PTPRN2: variants seen among roughly 807,000 people sequenced by gnomAD.
PTPRN2 encodes receptor-type tyrosine-protein phosphatase N2.
PTPRN2 carries 74 observed loss-of-function variants against 118.8 expected under a neutral mutation model. The observed-to-expected ratio is 0.62, with a 90% CI of 0.52 to 0.76. PTPRN2 has a LOEUF of 0.76. PTPRN2 is among the 30% of genes least tolerant of loss of function. PTPRN2 has a pLI of 0.00. For missense variants in PTPRN2, 1,481 were observed against 1,394.4 expected, an observed-to-expected ratio of 1.06 and a Z score of -0.99; for synonymous variants, 641 against 608.0, an observed-to-expected ratio of 1.05 and a Z score of -0.80.
rs574003048 is a variant in PTPRN2, at chr7:157,729,403, C to T, written c.1789-46466G>A. Reference sequence around the variant, plus strand: ...GGTCCCGGACCCCCCACTCTGCTCCCGTGGACAGCTCCATCTTCAGCAGCT... The same window carrying T: ...GGTCCCGGACCCCCCACTCTGCTCCTGTGGACAGCTCCATCTTCAGCAGCT... On this transcript the variant is annotated intron_variant, in intron 12 of 22. Transcript: ENST00000389418. The surrounding 1 kb of genome is among the most constrained non-coding windows in gnomAD (Gnocchi z 4.3). 2.0e-4 allele frequency among the ~76,000 whole-genome samples: 30 copies of T among 152,192 alleles called. No homozygotes were observed. The highest frequency in any genetic ancestry group is 6.5e-4 in the African/African-American group (27 of 41,526).
At chr7:158,267,994 A>G (rs1797995520) in intron 3 of PTPRN2, among the ~76,000 whole-genome samples, 1 of 152,202 alleles carries the variant, frequency 6.6e-6, no homozygotes, top group Admixed American at 6.5e-5. Flanking sequence ...GGTTATGTGC[A>G]CAGAGATGCT....
rs1379566248 is a variant in PTPRN2 at position 157,627,238 on chromosome 7, T to A, written c.2197-5729A>T. 6.6e-6 allele frequency among the ~76,000 whole-genome samples: 1 copy of A among 152,190 alleles called. No homozygotes were observed. Among genetic ancestry groups the A allele is most frequent in the Non-Finnish European group, 1.5e-5 (1 of 68,034 alleles). On this transcript the variant is annotated intron_variant, in intron 14 of 22. Coordinates refer to ENST00000389418, the MANE Select transcript of PTPRN2 (RefSeq NM_002847.5). This position sits in a 1 kb window ranked among gnomAD's most constrained non-coding sequence, Gnocchi z 4.2. ...GTCAGGGACCCCTTCTCACACCGTG[T>A]CCCACTTCACACAGCTCCTTGCTCT...
chr7:158,309,529 C>A (rs2151069623), intron 3 of PTPRN2, among the ~76,000 whole-genome samples: 1 of 152,286 alleles, frequency 6.6e-6, no homozygotes, highest in East Asian at 1.9e-4. Flanking sequence ...CCTATTAGTT[C>A]TGTCCTTCTA....
At chr7:158,219,698 A>G (rs1828207308) in intron 3 of PTPRN2, among the ~76,000 whole-genome samples, 1 of 152,020 alleles carries the variant, frequency 6.6e-6, no homozygotes, top group Admixed American at 6.6e-5. Flanking sequence ...AAGCACAATA[A>G]GAAATGACAA....
At chr7:157,910,581 C>T (rs1459955306) in intron 11 of PTPRN2, among the ~76,000 whole-genome samples, 1 of 152,282 alleles carries the variant, frequency 6.6e-6, no homozygotes, top group Non-Finnish European at 1.5e-5. Context: ...CCGTTCTGCA[C>T]AGCTGGCGGA....
intron 12 of PTPRN2, among the ~76,000 whole-genome samples, chr7:157,805,609 G>A (rs146595933): frequency 2.8e-3 from 434 of 152,342 alleles, no homozygotes; most frequent in South Asian, 8.1e-3. Flanking sequence ...GTTATGTCTA[G>A]TGTCAGGTTA....
At chr7:157,992,328 G>A (rs968345544) in intron 11 of PTPRN2, among the ~76,000 whole-genome samples, 3 of 152,218 alleles carry the variant, frequency 2.0e-5, no homozygotes, top group African/African-American at 4.8e-5. Context: ...TCATGGCCCC[G>A]AGTCTCTCGC....
chr7:157,548,970 C>G lies in PTPRN2; in HGVS notation c.2952G>C (p.Gln984His). 1 of 1,614,232 alleles carries G rather than the reference C, an allele frequency of 6.2e-7. No homozygotes were observed. The highest frequency in any genetic ancestry group is 8.5e-7 in the Non-Finnish European group (1 of 1,180,038). The change falls in exon 22 of 23, where the codon CAG becomes CAC. Residue 984 changes from glutamine (Q) to histidine (H), a missense_variant. By Grantham distance (24) the Gln-to-His change is conservative. Around this residue, in one of 3 missense-constraint regions of PTPRN2, gnomAD observed 362 missense variants for 384.1 expected, o/e 0.94. Coordinates refer to ENST00000389418, the MANE Select transcript of PTPRN2 (RefSeq NM_002847.5). ...CCTTCGTCTGGACCATGCCGGGTCTCTGGTCCCTCAAGTGCTCCAGGGTCG... is the reference window on the plus strand; with the variant it reads ...CCTTCGTCTGGACCATGCCGGGTCTGTGGTCCCTCAAGTGCTCCAGGGTCG... ...IAATLEHLRD[Q>H]RPGMVQTKEQ...
chr7:157,818,434 AT>A (rs1585547878), intron 12 of PTPRN2, among the ~76,000 whole-genome samples: 1 of 152,106 alleles, frequency 6.6e-6, no homozygotes, highest in African/African-American at 2.4e-5. Context: ...TAATCTGGAC[AT>A]TTGGGAAGAT....
At position 158,110,888 on chromosome 7, in the gene PTPRN2, C is replaced by G; in HGVS notation, c.1584G>C (p.Arg528=). 3 of 1,581,538 alleles carry G rather than the reference C, an allele frequency of 1.9e-6. No homozygotes were observed. The highest frequency in any genetic ancestry group is 1.7e-4 in the Middle Eastern group (1 of 6,010). Residue 528 remains arginine, a synonymous_variant, in exon 10 of 23, where the codon CGG becomes CGC. Coordinates refer to ENST00000389418, the MANE Select transcript of PTPRN2 (RefSeq NM_002847.5). ...RDPLRPEEGR[R]LVEDVARLLQ... The stretch of plus-strand genomic sequence containing the variant: ...GGAGGCGGGCGACGTCCTCCACCAG[C>G]CGCCTTCCTTCCTCGGGGCGCAGGG...
intron 1 of PTPRN2, among the ~76,000 whole-genome samples, chr7:158,533,078 T>G (rs1825373905): frequency 6.6e-6 from 1 of 152,168 alleles, no homozygotes; most frequent in African/African-American, 2.4e-5. Context: ...GACCAGCAAT[T>G]AATAACTCGC....
At chr7:157,576,570 G>C in intron 19 of PTPRN2, 43 bp downstream of exon 19, 1 of 1,551,308 alleles carries the variant, frequency 6.4e-7, no homozygotes, top group South Asian at 1.2e-5. Flanking sequence ...CCTGTGCCGC[G>C]CGCTCAGCGC....
At chr7:157,575,590 G>A (rs917783503) in intron 19 of PTPRN2, among the ~76,000 whole-genome samples, 6 of 152,164 alleles carry the variant, frequency 3.9e-5, no homozygotes, top group African/African-American at 1.4e-4. Context: ...ATCATAATAA[G>A]CTTCAGAATC....
intron 2 of PTPRN2, among the ~76,000 whole-genome samples, chr7:158,373,365 TGTGA>T (rs58619475): frequency 0.098 from 14,849 of 152,232 alleles, 885 homozygotes; most frequent in East Asian, 0.19. Context: ...TCCAACTGAG[TGTGA>T]GTAACGCTAA....
chr7:157,965,706 C>T (rs1449103890), intron 11 of PTPRN2, among the ~76,000 whole-genome samples: 2 of 152,160 alleles, frequency 1.3e-5, no homozygotes, highest in East Asian at 3.8e-4. Context: ...TCTCTTTCCC[C>T]TCTCCTAAAT....
At chr7:158,327,040 CACATGT>C (rs1176367057) in intron 2 of PTPRN2, among the ~76,000 whole-genome samples, 1 of 151,992 alleles carries the variant, frequency 6.6e-6, no homozygotes, top group Non-Finnish European at 1.5e-5. Context: ...CTCACACATG[CACATGT>C]ACACATTCTC....
intron 2 of PTPRN2, among the ~76,000 whole-genome samples, chr7:158,440,850 G>C (rs1816977119): frequency 6.8e-6 from 1 of 147,840 alleles, no homozygotes. Flanking sequence ...CAGTGACGGG[G>C]GTGGTGGTGG....
intron 2 of PTPRN2, among the ~76,000 whole-genome samples, chr7:158,393,088 C>T (rs1356220120): frequency 6.6e-6 from 1 of 152,102 alleles, no homozygotes; most frequent in Non-Finnish European, 1.5e-5. Context: ...GGGGCCTCTG[C>T]ACCCCAGGTG....
intron 6 of PTPRN2, among the ~76,000 whole-genome samples, chr7:158,163,368 A>C (rs1014300889): frequency 2.1e-5 from 3 of 145,008 alleles, no homozygotes; most frequent in Non-Finnish European, 4.5e-5. Context: ...CGGGGTTCTC[A>C]ATATTCTCTG....
Sources: gnomAD v4.1 joint callset for allele counts (sites outside exome capture counted in the v4.1 genomes callset) on GRCh38, gnomAD v4.1.1 for gene constraint, gnomAD v4.1.1 regional missense constraint, Gnocchi (gnomAD v3.1) non-coding constraint, MANE v1.5 for transcripts, NCBI Gene and HGNC (gene_info 2026-07-23, HGNC 2026-07-21) for gene names.